LRRC4C: variants seen among roughly 807,000 people sequenced by gnomAD.
LRRC4C encodes leucine-rich repeat-containing protein 4C.
A neutral mutation model predicts 33.6 loss-of-function variants in LRRC4C; 5 were observed. The ratio of observed to expected loss-of-function variants is 0.15; its 90% CI spans 0.08 to 0.31. The LOEUF (loss-of-function observed/expected upper bound fraction) is 0.31, where lower values mean the gene tolerates loss of function less well. LRRC4C is among the 10% of genes least tolerant of loss of function. LRRC4C has a pLI of 1.00. For synonymous variants in LRRC4C, 329 were observed against 302.0 expected (o/e 1.09, Z -0.93); for missense variants, 560 against 796.7 (o/e 0.70, Z 3.58).
chr11:40,793,519 G>A (rs2135186434), intron 2 of LRRC4C, among the ~76,000 whole-genome samples: 1 of 152,226 alleles, frequency 6.6e-6, no homozygotes, highest in South Asian at 2.1e-4. Flanking sequence ...GAAAAGCTTT[G>A]CATGTATTAA....
intron 4 of LRRC4C, among the ~76,000 whole-genome samples, chr11:40,304,582 C>G (rs796334858): frequency 2.0e-5 from 3 of 152,154 alleles, no homozygotes; most frequent in African/African-American, 4.8e-5. Flanking sequence ...ACCTCAGAAG[C>G]TACCCTTTTA....
intron 2 of LRRC4C, among the ~76,000 whole-genome samples, chr11:40,928,871 T>C (rs1359522122): frequency 2.0e-5 from 3 of 152,148 alleles, no homozygotes; most frequent in African/African-American, 7.2e-5. Context: ...TCCCAAATAC[T>C]TCATAATAAG....
intron 3 of LRRC4C, among the ~76,000 whole-genome samples, chr11:40,533,636 C>G (rs192935992): frequency 1.3e-5 from 2 of 152,078 alleles, no homozygotes; most frequent in African/African-American, 4.8e-5. Flanking sequence ...TCTCCACACA[C>G]GGTCATAAGG....
intron 1 of LRRC4C, among the ~76,000 whole-genome samples, chr11:41,310,795 C>T (rs969043385): frequency 2.6e-5 from 4 of 152,040 alleles, no homozygotes; most frequent in Admixed American, 6.6e-5. Context: ...TTTACATGGA[C>T]CTGTAATATT....
At chr11:40,814,275 T>G (rs1951613961) in intron 2 of LRRC4C, among the ~76,000 whole-genome samples, 1 of 152,126 alleles carries the variant, frequency 6.6e-6, no homozygotes, top group Non-Finnish European at 1.5e-5. Context: ...GTAGCAGCAA[T>G]ATGGTCAATA....
intron 1 of LRRC4C, among the ~76,000 whole-genome samples, chr11:41,120,645 G>C (rs72892626): frequency 0.04 from 6,025 of 152,256 alleles, 151 homozygotes; most frequent in Middle Eastern, 0.065. Flanking sequence ...AGCTCTCAAT[G>C]AGTTCTTGTA....
intron 1 of LRRC4C, among the ~76,000 whole-genome samples, chr11:41,157,689 C>T (rs1376117155): frequency 1.3e-5 from 2 of 152,028 alleles, no homozygotes; most frequent in Non-Finnish European, 2.9e-5. Context: ...CAGCTTTATT[C>T]CCTTCTGAAT....
At chr11:41,371,037 C>T (rs1952728714) in intron 1 of LRRC4C, among the ~76,000 whole-genome samples, 1 of 152,048 alleles carries the variant, frequency 6.6e-6, no homozygotes, top group Non-Finnish European at 1.5e-5. Flanking sequence ...TCCTTACTGG[C>T]TAAAAACTAA....
At chr11:40,760,712 G>C (rs895427731) in intron 2 of LRRC4C, among the ~76,000 whole-genome samples, 2 of 150,366 alleles carry the variant, frequency 1.3e-5, no homozygotes, top group South Asian at 4.2e-4. Flanking sequence ...TTGAGCTCAA[G>C]TGATCCTTCT....
chr11:40,637,253 C>T (rs1941809884), intron 3 of LRRC4C, among the ~76,000 whole-genome samples: 1 of 152,126 alleles, frequency 6.6e-6, no homozygotes, highest in Non-Finnish European at 1.5e-5. Context: ...AAAAAAATTA[C>T]CCCCTCCTTT....
At chr11:40,824,627 T>A (rs1565103692) in intron 2 of LRRC4C, among the ~76,000 whole-genome samples, 1 of 151,950 alleles carries the variant, frequency 6.6e-6, no homozygotes, top group Non-Finnish European at 1.5e-5. Context: ...CAGACATTAT[T>A]CATCATGCTA....
intron 2 of LRRC4C, among the ~76,000 whole-genome samples, chr11:40,841,536 TTAGGGAAA>T (rs1952913236): frequency 6.6e-6 from 1 of 152,144 alleles, no homozygotes; most frequent in African/African-American, 2.4e-5. Flanking sequence ...CAGCCTGCAT[TTAGGGAAA>T]GGCTGCTTGA....
intron 3 of LRRC4C, among the ~76,000 whole-genome samples, chr11:40,624,862 C>T (rs935307026): frequency 6.6e-6 from 1 of 152,118 alleles, no homozygotes; most frequent in Non-Finnish European, 1.5e-5. Flanking sequence ...ATTTTAACTT[C>T]AAGTCCAGTG....
intron 1 of LRRC4C, among the ~76,000 whole-genome samples, chr11:41,002,541 A>T (rs1429468305): frequency 6.6e-6 from 1 of 152,180 alleles, no homozygotes; most frequent in Non-Finnish European, 1.5e-5. Context: ...CAACTTTATC[A>T]AGAGCTTCTC....
chr11:40,819,097 C>A (rs552536814), intron 2 of LRRC4C, among the ~76,000 whole-genome samples: 2 of 152,118 alleles, frequency 1.3e-5, no homozygotes, highest in African/African-American at 4.8e-5. Context: ...GATACGTAAT[C>A]CTGTTTTTTC....
intron 2 of LRRC4C, among the ~76,000 whole-genome samples, chr11:40,906,007 T>C (rs569249277): frequency 4.5e-4 from 68 of 152,320 alleles, no homozygotes; most frequent in Middle Eastern, 3.4e-3. Context: ...ACAAATTTCA[T>C]TGTTGTCTTA....
intron 1 of LRRC4C, chr11:41,223,112 T>C (rs192125351): frequency 6.6e-6 from 1 of 152,270 alleles, no homozygotes; most frequent in African/African-American, 2.4e-5. Flanking sequence ...ATTATTTAAT[T>C]CAAGGGGATT....
intron 3 of LRRC4C, among the ~76,000 whole-genome samples, chr11:40,508,046 T>G (rs554871475): frequency 5.0e-4 from 76 of 152,270 alleles, no homozygotes; most frequent in Non-Finnish European, 9.3e-4. Context: ...TGTGAAACAC[T>G]GCACCCAGCC....
At chr11:41,386,024 A>T (rs1213742400) in intron 1 of LRRC4C, among the ~76,000 whole-genome samples, 1 of 151,668 alleles carries the variant, frequency 6.6e-6, no homozygotes, top group Non-Finnish European at 1.5e-5. Flanking sequence ...AGATATTTAT[A>T]ATATTTAATT....
Sources: gnomAD v4.1 joint callset for allele counts (sites outside exome capture counted in the v4.1 genomes callset) on GRCh38, gnomAD v4.1.1 for gene constraint, MANE v1.5 for transcripts, NCBI Gene and HGNC (gene_info 2026-07-23, HGNC 2026-07-21) for gene names.